Variants in FGF10 observed in about 807,000 individuals in gnomAD.
FGF10 encodes the protein fibroblast growth factor 10.
Under a neutral mutation model 19.8 loss-of-function variants are expected in FGF10, and 2 were observed. The observed-to-expected ratio is 0.10, with a 90% CI of 0.04 to 0.32. The LOEUF is 0.32. Ranked by LOEUF, FGF10 falls within the 10% of genes least tolerant of loss-of-function variation. The probability of loss-of-function intolerance (pLI) is 1.00; values close to 1 mark genes in which losing one functional copy is unlikely to be tolerated. For missense variants in FGF10, 191 were observed against 246.3 expected, an observed-to-expected ratio of 0.78 and a Z score of 1.50; for synonymous variants, 112 against 94.0, an observed-to-expected ratio of 1.19 and a Z score of -1.10.
At chr5:44,374,732 C>T (rs1741815920) in intron 1 of FGF10, among the ~76,000 whole-genome samples, 1 of 152,064 alleles carries the variant, frequency 6.6e-6, no homozygotes. Context: ...TCCAAGAATC[C>T]ATAAACACAA....
At chr5:44,306,258 G>A (rs184928255) in intron 2 of FGF10, among the ~76,000 whole-genome samples, 10 of 152,180 alleles carry the variant, frequency 6.6e-5, no homozygotes, top group Non-Finnish European at 1.0e-4. Flanking sequence ...TTAGCCAGGC[G>A]TATTGGTGGG....
chr5:44,313,778 C>T (rs1288532545), intron 1 of FGF10, among the ~76,000 whole-genome samples: 1 of 151,628 alleles, frequency 6.6e-6, no homozygotes, highest in African/African-American at 2.4e-5. Context: ...CATGAATAGC[C>T]CAGGTAGTAT....
rs1739979089 is a variant in FGF10 at position 44,302,239 on chromosome 5, CTCCTTCCTTCCCTCCCTTCTT to C, written c.*2735_*2755del. Among the ~76,000 whole-genome samples the C allele has an allele frequency of 2.0e-5, 3 of 150,768 alleles. No homozygotes were observed. The highest frequency in any genetic ancestry group is 7.3e-5 in the African/African-American group (3 of 41,244). On this transcript the variant is annotated 3_prime_UTR_variant, in exon 3 of 3. Transcript: ENST00000264664. ...CTTACCAAACAATCTTTCTTTCTCTCTCCTTCCTTCCCTCCCTTCTTTCCTTCCTTCCTTCTTTCCTTGCTT... is the reference window on the plus strand; with the variant it reads ...CTTACCAAACAATCTTTCTTTCTCTCTCCTTCCTTCCTTCTTTCCTTGCTT...
intron 1 of FGF10, among the ~76,000 whole-genome samples, chr5:44,370,349 T>A (rs544798241): frequency 1.3e-5 from 2 of 152,132 alleles, no homozygotes; most frequent in Non-Finnish European, 2.9e-5. Context: ...AATGAACATA[T>A]GCATTTATTT....
intron 1 of FGF10, among the ~76,000 whole-genome samples, chr5:44,319,441 A>G (rs1220139647): frequency 6.6e-6 from 1 of 152,172 alleles, no homozygotes; most frequent in Non-Finnish European, 1.5e-5. Flanking sequence ...AGTAGAGCAC[A>G]TCTTGATATT....
intron 1 of FGF10, among the ~76,000 whole-genome samples, chr5:44,314,896 A>G (rs1030733073): frequency 8.5e-5 from 13 of 152,306 alleles, no homozygotes; most frequent in Admixed American, 8.5e-4. Flanking sequence ...GAGAAAGTAT[A>G]TGGCAAATAA....
chr5:44,342,648 T>C (rs1740996267), intron 1 of FGF10, among the ~76,000 whole-genome samples: 1 of 151,852 alleles, frequency 6.6e-6, no homozygotes, highest in Non-Finnish European at 1.5e-5. Context: ...TGAAAATATT[T>C]AGGAAGTTCG....
Position 44,304,739 on chromosome 5 carries a change from A to C in FGF10, c.*256T>G. Reference sequence around the variant, plus strand: ...AACAACAACAAAAAACCCAGCCACAATGTTTTTCACTTGGGAATAACTTCT... The same window carrying C: ...AACAACAACAAAAAACCCAGCCACACTGTTTTTCACTTGGGAATAACTTCT... On this transcript the variant is annotated 3_prime_UTR_variant, in exon 3 of 3. Transcript: ENST00000264664. 2.3e-6 allele frequency: 1 copy of C among 442,694 alleles called. No individual in the cohort carries two copies. Among genetic ancestry groups the C allele is most frequent in the East Asian group, 4.1e-5 (1 of 24,360 alleles). The allele number at this position is 442,694 out of a possible 1,614,324, so 27.4% of individuals were successfully genotyped here.
Position 44,384,616 on chromosome 5 carries a change from G to A in FGF10, c.325+3742C>T, listed in dbSNP as rs758086783. ...AGGAGAGATACAACCAATAGGCTGG[G>A]GCTTGAATCCTGGTTCTGCCCATGT... On this transcript the variant is annotated intron_variant, in intron 1 of 2. Coordinates refer to ENST00000264664, the MANE Select transcript of FGF10 (RefSeq NM_004465.2). Among the ~76,000 whole-genome samples, 92 of 152,134 alleles carry A rather than the reference G, an allele frequency of 6.0e-4. 1 individual carries two copies. The highest frequency in any genetic ancestry group is 1.1e-3 in the Non-Finnish European group (78 of 67,930).
chr5:44,377,348 T>A (rs1253899774), intron 1 of FGF10, among the ~76,000 whole-genome samples: 1 of 152,162 alleles, frequency 6.6e-6, no homozygotes, highest in Non-Finnish European at 1.5e-5. Context: ...GCTTTAAGGG[T>A]ATGAGCCAAA....
chr5:44,331,258 C>A (rs1214810057), intron 1 of FGF10, among the ~76,000 whole-genome samples: 1 of 151,840 alleles, frequency 6.6e-6, no homozygotes, highest in African/African-American at 2.4e-5. Flanking sequence ...TTTTCTGGGG[C>A]CACTCCACCA....
intron 1 of FGF10, among the ~76,000 whole-genome samples, chr5:44,347,402 T>C (rs758993177): frequency 1.3e-5 from 2 of 151,766 alleles, no homozygotes; most frequent in South Asian, 2.1e-4. Context: ...TGGTAACTTT[T>C]GCCTAGTCTG....
At chr5:44,345,311 T>C (rs1741064276) in intron 1 of FGF10, among the ~76,000 whole-genome samples, 2 of 151,044 alleles carry the variant, frequency 1.3e-5, no homozygotes, top group African/African-American at 4.9e-5. Flanking sequence ...AAAATAAAAC[T>C]GAACAAATAG....
intron 1 of FGF10, among the ~76,000 whole-genome samples, chr5:44,339,868 C>A (rs1290183465): frequency 1.3e-5 from 2 of 152,108 alleles, no homozygotes; most frequent in African/African-American, 4.8e-5. Flanking sequence ...TCTCTTGCAT[C>A]ATTCTTATAC....
Position 44,302,280 on chromosome 5 carries a change from TTGCTTCCTTC to T in FGF10, c.*2705_*2714del, listed in dbSNP as rs1739981291. The stretch of plus-strand genomic sequence containing the variant: ...CTTCTTTCCTTCCTTCCTTCTTTCC[TTGCTTCCTTC>T]CTTCCTTCCTTCCTTCCTTCCTTCC... On this transcript the variant is annotated 3_prime_UTR_variant, in exon 3 of 3. Transcript: ENST00000264664. 7.9e-6 allele frequency among the ~76,000 whole-genome samples: 1 copy of T among 125,978 alleles called. No individual in the cohort carries two copies. The highest frequency in any genetic ancestry group is 3.4e-5 in the African/African-American group (1 of 29,558). The allele number at this position is 125,978 out of a possible 152,430, so 82.6% of individuals were successfully genotyped here.
rs1023780430 is a variant in FGF10 at position 44,303,149 on chromosome 5, A to T, written c.*1846T>A. Among the ~76,000 whole-genome samples the T allele has an allele frequency of 3.9e-5, 6 of 152,174 alleles. No homozygotes were observed. The highest frequency in any genetic ancestry group is 1.4e-4 in the African/African-American group (6 of 41,446). On this transcript the variant is annotated 3_prime_UTR_variant, in exon 3 of 3. Coordinates refer to ENST00000264664, the MANE Select transcript of FGF10 (RefSeq NM_004465.2). ...TGCAATTTAAACTATAAGCCAAAAG[A>T]CAGTGCCTCAAATGTGTTTCTTCTG...
chr5:44,382,396 T>TAGA (rs1742004933), intron 1 of FGF10, among the ~76,000 whole-genome samples: 1 of 152,180 alleles, frequency 6.6e-6, no homozygotes, highest in African/African-American at 2.4e-5. Flanking sequence ...AGTACTGGGT[T>TAGA]TTAAACTGAT....
At chr5:44,355,963 C>T (rs1010690674) in intron 1 of FGF10, among the ~76,000 whole-genome samples, 3 of 151,300 alleles carry the variant, frequency 2.0e-5, no homozygotes, top group African/African-American at 7.3e-5. Context: ...GGAAAAAGAG[C>T]GAGGTGAAAT....
At chr5:44,375,139 T>C (rs1049734237) in intron 1 of FGF10, among the ~76,000 whole-genome samples, 2 of 152,184 alleles carry the variant, frequency 1.3e-5, no homozygotes, top group Non-Finnish European at 2.9e-5. Context: ...ATTTACCTAA[T>C]AATATATAGA....
Sources: allele counts gnomAD v4.1 joint callset (sites outside exome capture counted in the v4.1 genomes callset), GRCh38; gene constraint gnomAD v4.1.1; transcripts MANE v1.5; gene names NCBI Gene and HGNC (gene_info 2026-07-23, HGNC 2026-07-21).